The following SPTBN2 variants were observed in gnomAD, a reference collection of about 807,000 sequenced individuals.
SPTBN2 encodes spectrin beta chain, non-erythrocytic 2.
Under a neutral mutation model 284.2 loss-of-function variants are expected in SPTBN2, and 107 were observed. That is an observed-to-expected ratio of 0.38 (90% CI 0.32 to 0.44). The LOEUF (loss-of-function observed/expected upper bound fraction) is 0.44, where lower values mean the gene tolerates loss of function less well. SPTBN2 is among the 20% of genes least tolerant of loss of function. The pLI, the probability that SPTBN2 is intolerant of heterozygous loss-of-function variation, is 1.00. For missense variants in SPTBN2, 2,569 were observed against 3,287.1 expected (o/e 0.78, Z 5.34); for synonymous variants, 1,289 against 1,354.8 (o/e 0.95, Z 1.07).
upstream of SPTBN2, among the ~76,000 whole-genome samples, chr11:66,733,871 G>A (rs1007272288): frequency 4.0e-5 from 6 of 151,796 alleles, no homozygotes; most frequent in Non-Finnish European, 5.9e-5. Flanking sequence ...CCAGCTACTC[G>A]GGAGGCTGAG....
intron 1 of SPTBN2, among the ~76,000 whole-genome samples, chr11:66,739,317 G>T (rs956186742): frequency 1.3e-5 from 2 of 152,206 alleles, no homozygotes; most frequent in Non-Finnish European, 2.9e-5. Context: ...CTGTACACCT[G>T]TATCCCTGGC....
rs1204314039 is a variant in SPTBN2, at chr11:66,690,057, T to A, written c.5792A>T (p.Asp1931Val). 1 of 1,614,206 alleles carries A rather than the reference T, an allele frequency of 6.2e-7. No homozygotes were observed. Among genetic ancestry groups the A allele is most frequent in the South Asian group, 1.1e-5 (1 of 91,086 alleles). ...LWMDEVNLQM[D>V]AQERPRDVSS... ...TTCTCACCGGGGACGCTCCTGGGCATCCATCTGCAGGTTGACCTCATCCAT... is the reference window on the plus strand; with the variant it reads ...TTCTCACCGGGGACGCTCCTGGGCAACCATCTGCAGGTTGACCTCATCCAT... The change falls in exon 28 of 38, where the codon GAT becomes GTT. Residue 1931 changes from aspartate (D) to valine (V), a missense_variant. Transcript: ENST00000533211.
chr11:66,717,343 T>A (rs1322277136), intron 3 of SPTBN2, among the ~76,000 whole-genome samples: 1 of 152,086 alleles, frequency 6.6e-6, no homozygotes, highest in Non-Finnish European at 1.5e-5. Context: ...GAGAGCCCTG[T>A]GCAAGGACCC....
Position 66,687,139 on chromosome 11 carries a change from G to T in SPTBN2, c.6751C>A (p.Arg2251=). The T allele has an allele frequency of 6.2e-7, 1 of 1,613,998 alleles. No homozygotes were observed. The highest frequency in any genetic ancestry group is 8.5e-7 in the Non-Finnish European group (1 of 1,180,030). ...TTGTAAAAGCCGAGGCTCCCACGCCGCAGGACACAGTACACGTTCTGCCAG... is the reference window on the plus strand; with the variant it reads ...TTGTAAAAGCCGAGGCTCCCACGCCTCAGGACACAGTACACGTTCTGCCAG... The part of the protein sequence containing the change: ...RSWQNVYCVL[R]RGSLGFYKDA... The change falls in exon 36 of 38, where the codon CGG becomes AGG. Residue 2251 remains arginine (R), a synonymous_variant. Coordinates refer to ENST00000533211, the MANE Select transcript of SPTBN2 (RefSeq NM_006946.4). This position sits in a 1 kb window ranked among gnomAD's most constrained non-coding sequence, Gnocchi z 5.2.
upstream of SPTBN2, among the ~76,000 whole-genome samples, chr11:66,729,959 G>C (rs1035976940): frequency 6.6e-6 from 1 of 152,026 alleles, no homozygotes; most frequent in Non-Finnish European, 1.5e-5. Context: ...ATGCCACCAT[G>C]CCCGACTAAT....
Position 66,715,761 on chromosome 11 carries a change from G to A in SPTBN2, c.309+69C>T. 1.9e-6 allele frequency: 3 copies of A among 1,588,874 alleles called. No individual in the cohort carries two copies. The highest frequency in any genetic ancestry group is 2.6e-6 in the Non-Finnish European group (3 of 1,168,206). The stretch of plus-strand genomic sequence containing the variant: ...TGTGCCGTCACTCTCTCTGAGGGCT[G>A]TTCTTCCAGCTGGTCCCCTTGGACA... On this transcript the variant is annotated intron_variant, in intron 4 of 37. Coordinates refer to ENST00000533211, the MANE Select transcript of SPTBN2 (RefSeq NM_006946.4). The surrounding 1 kb of genome is among the most constrained non-coding windows in gnomAD (Gnocchi z 5.3).
intron 1 of SPTBN2, chr11:66,728,402 G>C (rs1202057871): frequency 6.7e-6 from 1 of 149,170 alleles, no homozygotes; most frequent in African/African-American, 2.4e-5. Context: ...CGCGGAAGGA[G>C]GACAATAGCC....
chr11:66,736,571 C>T (rs1272669108), intron 1 of SPTBN2, among the ~76,000 whole-genome samples: 5 of 152,130 alleles, frequency 3.3e-5, no homozygotes. Flanking sequence ...AATACACAGA[C>T]CTTTGAGAAA....
chr11:66,727,168 C>T (rs1317112849), intron 1 of SPTBN2, among the ~76,000 whole-genome samples: 2 of 152,240 alleles, frequency 1.3e-5, no homozygotes, highest in African/African-American at 4.8e-5. Context: ...ATCCTATCTT[C>T]TCCTCGGCCA....
At chr11:66,717,801 C>T (rs1055995299) in intron 3 of SPTBN2, among the ~76,000 whole-genome samples, 15 of 152,166 alleles carry the variant, frequency 9.9e-5, no homozygotes, top group Non-Finnish European at 1.3e-4. Context: ...CGTCACAAGA[C>T]GCCCACAGCA....
intron 3 of SPTBN2, among the ~76,000 whole-genome samples, chr11:66,716,486 A>T (rs1208431728): frequency 6.6e-6 from 1 of 152,158 alleles, no homozygotes; most frequent in Non-Finnish European, 1.5e-5. Context: ...TCTCAAAAAA[A>T]AAAAAGAAAA....
chr11:66,698,595 C>T, intron 20 of SPTBN2, 44 bp downstream of exon 20: 1 of 1,613,460 alleles, frequency 6.2e-7, no homozygotes, highest in Non-Finnish European at 8.5e-7. Context: ...TCCCCCGTAC[C>T]ATGGGGGACT....
At chr11:66,699,671 C>A (rs931851565) in intron 17 of SPTBN2, 63 bp from the exon 18 acceptor site, 5 of 1,568,090 alleles carry the variant, frequency 3.2e-6, no homozygotes, top group Non-Finnish European at 3.5e-6. Context: ...CTAGGAGGGA[C>A]CCACCCAGGG....
At chr11:66,698,556 G>A in intron 20 of SPTBN2, 83 bp downstream of exon 20, 1 of 1,604,984 alleles carries the variant, frequency 6.2e-7, no homozygotes, top group East Asian at 2.2e-5. Context: ...CTCTAACCAT[G>A]ACAAAAACCA....
At chr11:66,697,154 C>T (rs1015639305) in intron 20 of SPTBN2, among the ~76,000 whole-genome samples, 11 of 152,156 alleles carry the variant, frequency 7.2e-5, no homozygotes, top group African/African-American at 2.4e-4. Context: ...TCTACACCCC[C>T]GCAGAATGCC....
Position 66,699,364 on chromosome 11 carries a change from T to G in SPTBN2, c.3776+42A>C. 6 of 1,606,478 alleles carry G rather than the reference T, an allele frequency of 3.7e-6. No individual in the cohort carries two copies. The South Asian group carries it at 5.5e-5, about 15-fold the overall frequency. ...TTTGAGGTCACCCTGTTTCTCCGAT[T>G]CCCCCCTGGGAACCCTAATTCATGG... On this transcript the variant is annotated intron_variant, in intron 18 of 37. Transcript: ENST00000533211.
intron 20 of SPTBN2, among the ~76,000 whole-genome samples, chr11:66,698,165 C>G (rs1439152693): frequency 6.6e-6 from 1 of 152,234 alleles, no homozygotes; most frequent in African/African-American, 2.4e-5. Flanking sequence ...ATCTGGCCCA[C>G]TGCCTGTTTT....
rs139107445 is a variant in SPTBN2, at chr11:66,689,146, C to G, written c.5984G>C (p.Arg1995Pro). 2 of 1,609,936 alleles carry G rather than the reference C, an allele frequency of 1.2e-6. No homozygotes were observed. The highest frequency in any genetic ancestry group is 1.7e-6 in the Non-Finnish European group (2 of 1,177,912). ...CTGCCACTTCTCAGCTGTCTCCTGG[C>G]GCCGTGCCTGCAGCTGAGACAGCTT... ...SEKLSQLQAR[R>P]QETAEKWQEK... The change falls in exon 30 of 38, where the codon CGC becomes CCC. Residue 1995 changes from arginine (R) to proline (P), a missense_variant. Transcript: ENST00000533211.
In SPTBN2 at chr11:66,707,638, G is replaced by T; in HGVS notation, c.1531C>A (p.Arg511=). Residue 511 remains arginine, a synonymous_variant, in exon 13 of 38, where the codon CGG becomes AGG. Transcript: ENST00000533211. The surrounding 1 kb of genome is among the most constrained non-coding windows in gnomAD (Gnocchi z 4.9). ...RIAARQHNVA[R]LWDFLRQMVA... is the part of the protein sequence containing the mutation. ...ATCTGCCGCAAGAAGTCCCAGAGCCGTGCCACGTTGTGCTGCCGAGCGGCG... is the reference window on the plus strand; with the variant it reads ...ATCTGCCGCAAGAAGTCCCAGAGCCTTGCCACGTTGTGCTGCCGAGCGGCG... The T allele has an allele frequency of 6.2e-7, 1 of 1,609,382 alleles. No individual in the cohort carries two copies.
Sources: allele counts gnomAD v4.1 joint callset (sites outside exome capture counted in the v4.1 genomes callset), GRCh38; gene constraint gnomAD v4.1.1; non-coding constraint Gnocchi (gnomAD v3.1); transcripts MANE v1.5; gene names NCBI Gene and HGNC (gene_info 2026-07-23, HGNC 2026-07-21).